The following SUPT3H variants were observed in gnomAD, a reference collection of about 807,000 sequenced individuals.
SUPT3H encodes SPT3 homolog, SAGA and STAGA complex component.
A neutral mutation model predicts 44.3 loss-of-function variants in SUPT3H; 44 were observed. That is an observed-to-expected ratio of 0.99 (90% CI 0.78 to 1.28). SUPT3H has a LOEUF of 1.28. SUPT3H is among the 50% of genes most tolerant of loss of function. The pLI, the probability that SUPT3H is intolerant of heterozygous loss-of-function variation, is 0.00. For synonymous variants in SUPT3H, 124 were observed against 125.6 expected, an observed-to-expected ratio of 0.99 and a Z score of 0.09; for missense variants, 380 against 387.1, an observed-to-expected ratio of 0.98 and a Z score of 0.15.
At chr6:45,177,464 G>T (rs931291989) in intron 2 of SUPT3H, among the ~76,000 whole-genome samples, 3 of 152,112 alleles carry the variant, frequency 2.0e-5, no homozygotes, top group Admixed American at 1.3e-4. Flanking sequence ...GAAAGTGACG[G>T]GGAGAATGGA....
At chr6:45,283,265 G>A (rs1020003801) in intron 2 of SUPT3H, among the ~76,000 whole-genome samples, 5 of 151,990 alleles carry the variant, frequency 3.3e-5, no homozygotes, top group African/African-American at 4.8e-5. Context: ...TGGGCTAAAG[G>A]CTCCAATTAA....
At chr6:45,293,394 A>C (rs559167334) in intron 2 of SUPT3H, among the ~76,000 whole-genome samples, 1 of 152,284 alleles carries the variant, frequency 6.6e-6, no homozygotes, top group Admixed American at 6.5e-5. Flanking sequence ...CTGAAAGAGC[A>C]CAGACAGACA....
At chr6:44,890,112 C>G (rs576735038) in intron 10 of SUPT3H, among the ~76,000 whole-genome samples, 152 of 147,318 alleles carry the variant, frequency 1.0e-3, no homozygotes, top group South Asian at 6.5e-3. Flanking sequence ...GGAAGCAACA[C>G]GTGCTGGAGA....
At chr6:44,947,161 G>T (rs1283200699) in intron 9 of SUPT3H, among the ~76,000 whole-genome samples, 1 of 152,162 alleles carries the variant, frequency 6.6e-6, no homozygotes, top group African/African-American at 2.4e-5. Context: ...ATAGACTACA[G>T]TATAGCGTAA....
intron 2 of SUPT3H, among the ~76,000 whole-genome samples, chr6:45,348,907 C>T (rs1791471262): frequency 6.6e-6 from 1 of 152,122 alleles, no homozygotes; most frequent in Admixed American, 6.6e-5. Context: ...GTATCCTGTA[C>T]ATTTTCCTTC....
intron 3 of SUPT3H, among the ~76,000 whole-genome samples, chr6:45,057,488 A>G (rs1312603046): frequency 2.0e-5 from 3 of 152,130 alleles, no homozygotes; most frequent in African/African-American, 4.8e-5. Context: ...AAACTAAAAA[A>G]ACAAAAAACA....
chr6:45,019,237 T>G (rs1208406020), intron 4 of SUPT3H, among the ~76,000 whole-genome samples: 1 of 152,156 alleles, frequency 6.6e-6, no homozygotes, highest in Non-Finnish European at 1.5e-5. Context: ...TTCTTGTCTC[T>G]TTTTTTCTTT....
rs537362464 is a variant in SUPT3H at position 45,368,093 on chromosome 6, G to C, written c.1-2792C>G. 1.3e-4 allele frequency among the ~76,000 whole-genome samples: 20 copies of C among 151,676 alleles called. No individual in the cohort carries two copies. The Admixed American group carries it at 1.3e-3, about 10-fold the overall frequency. On this transcript the variant is annotated intron_variant, in intron 1 of 10. Transcript: ENST00000371459. ...AAGTCAATTTTCACTAATAAATACA[G>C]TTACTGTGGAACTGAAAACCTACTG... is the stretch of plus-strand genomic sequence containing the variant.
intron 3 of SUPT3H, among the ~76,000 whole-genome samples, chr6:45,051,819 T>C (rs111935301): frequency 4.6e-4 from 70 of 152,034 alleles, no homozygotes; most frequent in African/African-American, 1.4e-3. Context: ...TGACAGACAA[T>C]GGGAGGTGGT....
At chr6:45,103,134 C>T (rs934016055) in intron 3 of SUPT3H, among the ~76,000 whole-genome samples, 3 of 152,122 alleles carry the variant, frequency 2.0e-5, no homozygotes, top group African/African-American at 7.2e-5. Flanking sequence ...TATAATTCTT[C>T]CTTTCCTCTA....
chr6:44,976,708 A>G (rs1778393511), intron 6 of SUPT3H, among the ~76,000 whole-genome samples: 1 of 152,198 alleles, frequency 6.6e-6, no homozygotes, highest in Non-Finnish European at 1.5e-5. Flanking sequence ...TAAACTAAAA[A>G]TATTTTTTAA....
intron 10 of SUPT3H, among the ~76,000 whole-genome samples, chr6:44,910,796 C>T (rs999465847): frequency 1.3e-5 from 2 of 151,410 alleles, no homozygotes; most frequent in Non-Finnish European, 1.5e-5. Context: ...GAGTTCAAGA[C>T]CAGTCTGGCC....
At chr6:45,158,303 T>C (rs1371367769) in intron 2 of SUPT3H, among the ~76,000 whole-genome samples, 1 of 86,198 alleles carries the variant, frequency 1.2e-5, no homozygotes, top group African/African-American at 3.6e-5. Flanking sequence ...TATATATTTT[T>C]TTTTTTTTTT....
chr6:45,091,611 C>T (rs573021456), intron 3 of SUPT3H, among the ~76,000 whole-genome samples: 1 of 152,028 alleles, frequency 6.6e-6, no homozygotes, highest in Non-Finnish European at 1.5e-5. Flanking sequence ...AGTTTCTAAA[C>T]CTATAAAGTG....
At chr6:45,071,242 C>T (rs897006010) in intron 3 of SUPT3H, among the ~76,000 whole-genome samples, 1 of 150,738 alleles carries the variant, frequency 6.6e-6, no homozygotes, top group Non-Finnish European at 1.5e-5. Context: ...TTTTATTAAT[C>T]CCATAGGTCA....
At chr6:45,306,260 G>A (rs1782982279) in intron 2 of SUPT3H, among the ~76,000 whole-genome samples, 2 of 152,178 alleles carry the variant, frequency 1.3e-5, no homozygotes, top group African/African-American at 4.8e-5. Context: ...TCCATGCTCA[G>A]CCACAACTTC....
intron 6 of SUPT3H, among the ~76,000 whole-genome samples, chr6:44,962,847 T>C (rs1346779635): frequency 6.6e-6 from 1 of 151,934 alleles, no homozygotes; most frequent in African/African-American, 2.4e-5. Context: ...ACTACCGTGG[T>C]TCCTTCTAAG....
intron 9 of SUPT3H, among the ~76,000 whole-genome samples, chr6:44,938,525 G>A (rs944547679): frequency 6.6e-6 from 1 of 151,938 alleles, no homozygotes; most frequent in African/African-American, 2.4e-5. Context: ...CAGCTTTGTT[G>A]TTTTTGCTTA....
chr6:44,884,967 T>C (rs1446746127), intron 10 of SUPT3H, among the ~76,000 whole-genome samples: 1 of 152,174 alleles, frequency 6.6e-6, no homozygotes, highest in East Asian at 1.9e-4. Flanking sequence ...GATTATATCC[T>C]GCACCTGGCT....
Sources: allele counts gnomAD v4.1 joint callset (sites outside exome capture counted in the v4.1 genomes callset), GRCh38; gene constraint gnomAD v4.1.1; transcripts MANE v1.5; gene names NCBI Gene and HGNC (gene_info 2026-07-23, HGNC 2026-07-21).